GRID2: variants seen among roughly 807,000 people sequenced by gnomAD.
GRID2 encodes the protein glutamate receptor ionotropic, delta-2.
GRID2 carries 33 observed loss-of-function variants against 114.8 expected under a neutral mutation model. The observed-to-expected ratio is 0.29, with a 90% CI of 0.22 to 0.38. The LOEUF (loss-of-function observed/expected upper bound fraction) is 0.38. Ranked by LOEUF, GRID2 falls within the 10% of genes least tolerant of loss-of-function variation. GRID2 has a pLI of 1.00. For missense variants in GRID2, 1,184 were observed against 1,257.7 expected (o/e 0.94, Z 0.89); for synonymous variants, 505 against 449.9 (o/e 1.12, Z -1.55).
At chr4:93,785,407 A>G (rs1465095811) in intron 1 of GRID2, among the ~76,000 whole-genome samples, 1 of 152,210 alleles carries the variant, frequency 6.6e-6, no homozygotes, top group Admixed American at 6.5e-5. Flanking sequence ...ATTCCAAGTT[A>G]GAACTGAGGG....
At chr4:93,524,568 C>A (rs1043182162) in intron 13 of GRID2, among the ~76,000 whole-genome samples, 7 of 151,412 alleles carry the variant, frequency 4.6e-5, no homozygotes, top group African/African-American at 1.5e-4. Context: ...TATTTGAAAT[C>A]AAAATCAGAC....
intron 11 of GRID2, among the ~76,000 whole-genome samples, chr4:93,487,112 A>T (rs1186571813): frequency 4.6e-5 from 7 of 151,752 alleles, no homozygotes; most frequent in Non-Finnish European, 1.0e-4. Flanking sequence ...ATTTGTACAT[A>T]AGTTATCCTT....
In GRID2 at chr4:92,792,048, G is replaced by A. The variant is rs143955307; in HGVS notation, c.244+201762G>A. Among the ~76,000 whole-genome samples, 25 of 151,898 alleles carry A rather than the reference G, an allele frequency of 1.6e-4. 1 individual carries two copies. In the East Asian group the frequency reaches 3.1e-3, roughly 19 times the overall value. ...CCAATAGTTTTGTCCTCAGTGAGCCGTGGCCATGACATGGAATCTGTCCAA... is the reference window on the plus strand; with the variant it reads ...CCAATAGTTTTGTCCTCAGTGAGCCATGGCCATGACATGGAATCTGTCCAA... On this transcript the variant is annotated intron_variant, in intron 2 of 15. Transcript: ENST00000282020.
At chr4:93,608,349 T>C (rs1272450035) in intron 13 of GRID2, among the ~76,000 whole-genome samples, 2 of 143,404 alleles carry the variant, frequency 1.4e-5, no homozygotes, top group Non-Finnish European at 3.0e-5. Flanking sequence ...TTAGGGTACA[T>C]GTGCACATTG....
chr4:93,810,125 T>G (rs1735103808), exon 2 of GRID2: 1 of 152,204 alleles, frequency 6.6e-6, no homozygotes, highest in Non-Finnish European at 1.5e-5. Flanking sequence ...GGGCAGGGGA[T>G]GGAGTCACCT....
chr4:92,982,940 A>T (rs554527162), intron 2 of GRID2, among the ~76,000 whole-genome samples: 21 of 152,176 alleles, frequency 1.4e-4, no homozygotes, highest in African/African-American at 4.6e-4. Context: ...GAAGACCTCC[A>T]AGTAGAGAGG....
intron 14 of GRID2, among the ~76,000 whole-genome samples, chr4:93,733,555 T>A (rs1730669095): frequency 6.6e-6 from 1 of 152,136 alleles, no homozygotes; most frequent in Non-Finnish European, 1.5e-5. Context: ...GAGTTCTCTA[T>A]CTCCATCCAT....
At chr4:93,290,938 C>T (rs1317375177) in intron 8 of GRID2, among the ~76,000 whole-genome samples, 3 of 126,276 alleles carry the variant, frequency 2.4e-5, no homozygotes, top group Non-Finnish European at 4.7e-5. Context: ...AGTGCAGTGG[C>T]GCGATCTCCG....
intron 1 of GRID2, among the ~76,000 whole-genome samples, chr4:92,311,865 A>G (rs1398987420): frequency 6.6e-6 from 1 of 152,096 alleles, no homozygotes; most frequent in Non-Finnish European, 1.5e-5. Context: ...TGTTGAACCA[A>G]CAAGCTATGT....
intron 2 of GRID2, among the ~76,000 whole-genome samples, chr4:92,715,782 C>G (rs903698104): frequency 1.3e-5 from 2 of 152,204 alleles, no homozygotes; most frequent in East Asian, 3.9e-4. Flanking sequence ...TCCCACAACA[C>G]GTGGAAATTG....
intron 1 of GRID2, among the ~76,000 whole-genome samples, chr4:92,580,863 G>A (rs1728149837): frequency 6.7e-6 from 1 of 150,180 alleles, no homozygotes; most frequent in Admixed American, 6.7e-5. Context: ...CTTTTCAGTA[G>A]CTACCTTATC....
intron 2 of GRID2, among the ~76,000 whole-genome samples, chr4:92,699,002 T>C (rs2149299621): frequency 6.6e-6 from 1 of 152,284 alleles, no homozygotes; most frequent in Non-Finnish European, 1.5e-5. Context: ...TGTTTTCTTA[T>C]TTTGCACAAC....
intron 2 of GRID2, among the ~76,000 whole-genome samples, chr4:92,603,930 T>TG (rs1209306047): frequency 6.6e-6 from 1 of 151,610 alleles, no homozygotes; most frequent in Non-Finnish European, 1.5e-5. Context: ...GCCAAAAACA[T>TG]GAAAAAAAGC....
intron 4 of GRID2, among the ~76,000 whole-genome samples, chr4:93,116,384 G>C (rs1363017069): frequency 2.6e-5 from 4 of 152,072 alleles, no homozygotes; most frequent in African/African-American, 7.2e-5. Flanking sequence ...TCTGTAATTT[G>C]CTTATGTTTT....
intron 2 of GRID2, among the ~76,000 whole-genome samples, chr4:92,681,360 T>C (rs931710461): frequency 2.6e-5 from 4 of 152,150 alleles, no homozygotes; most frequent in Non-Finnish European, 5.9e-5. Flanking sequence ...TCAAAACCCA[T>C]AGAACTCATT....
intron 2 of GRID2, among the ~76,000 whole-genome samples, chr4:92,591,457 C>A (rs2149211910): frequency 6.6e-6 from 1 of 152,096 alleles, no homozygotes; most frequent in African/African-American, 2.4e-5. Context: ...ATAATGAATG[C>A]AAAATTAATT....
intron 2 of GRID2, among the ~76,000 whole-genome samples, chr4:92,746,101 A>G (rs962208908): frequency 2.0e-5 from 3 of 152,064 alleles, no homozygotes; most frequent in Admixed American, 6.5e-5. Context: ...AGTAACCTAC[A>G]ATGATTTCAC....
intron 1 of GRID2, among the ~76,000 whole-genome samples, chr4:92,524,180 C>G (rs1436271954): frequency 2.6e-5 from 4 of 151,916 alleles, no homozygotes; most frequent in Non-Finnish European, 5.9e-5. Context: ...ACTTGAAATA[C>G]TTGCAGAAGA....
rs1401516484 is a variant in GRID2 at position 92,603,671 on chromosome 4, A to G, written c.244+13385A>G. On this transcript the variant is annotated intron_variant, in intron 2 of 15. Transcript: ENST00000282020. ...GAAAACGCCCAAAGCAATTGCAACG[A>G]AAGCAGAATTTGACAAATAAATATA... is the stretch of plus-strand genomic sequence containing the variant. Among the ~76,000 whole-genome samples the G allele has an allele frequency of 3.3e-5, 5 of 152,276 alleles. No individual in the cohort carries two copies. The East Asian group carries it at 9.7e-4, about 29-fold the overall frequency.
Sources: allele counts gnomAD v4.1 joint callset (sites outside exome capture counted in the v4.1 genomes callset), GRCh38; gene constraint gnomAD v4.1.1; transcripts MANE v1.5; gene names NCBI Gene and HGNC (gene_info 2026-07-23, HGNC 2026-07-21).